TMPRSS11D: variants seen among roughly 807,000 people sequenced by gnomAD.
TMPRSS11D encodes the protein transmembrane serine protease 11D, also known as transmembrane protease serine 11D.
Under a neutral mutation model 44.4 loss-of-function variants are expected in TMPRSS11D, and 32 were observed. That is an observed-to-expected ratio of 0.72 (90% confidence interval 0.54 to 0.97). TMPRSS11D has a LOEUF of 0.97. Ranked by LOEUF, TMPRSS11D falls within the 50% of genes least tolerant of loss-of-function variation. The pLI, the probability that TMPRSS11D is intolerant of heterozygous loss-of-function variation, is 0.00. For missense variants in TMPRSS11D, 446 were observed against 502.6 expected (o/e 0.89, Z 1.08); for synonymous variants, 179 against 177.9 (o/e 1.01, Z -0.05).
chr4:67,822,827 T>G (rs1717682646), intron 9 of TMPRSS11D, among the ~76,000 whole-genome samples: 1 of 152,182 alleles, frequency 6.6e-6, no homozygotes, highest in Admixed American at 6.6e-5. Context: ...TCTCACCCTT[T>G]CCAGCTTTGG....
chr4:67,824,617 C>G (rs1185517072), intron 9 of TMPRSS11D, among the ~76,000 whole-genome samples: 1 of 152,120 alleles, frequency 6.6e-6, no homozygotes, highest in Non-Finnish European at 1.5e-5. Flanking sequence ...ACACAACTTG[C>G]AGTTGATAAA....
intron 5 of TMPRSS11D, among the ~76,000 whole-genome samples, chr4:67,836,039 T>C (rs1016636059): frequency 6.6e-6 from 1 of 152,150 alleles, no homozygotes; most frequent in African/African-American, 2.4e-5. Flanking sequence ...TTGCTACTTA[T>C]TATATCCTTT....
chr4:67,852,678 A>G (rs1158867030), intron 3 of TMPRSS11D, among the ~76,000 whole-genome samples: 1 of 152,238 alleles, frequency 6.6e-6, no homozygotes, highest in Non-Finnish European at 1.5e-5. Context: ...CAGAATGAAC[A>G]GTTGAATCAG....
intron 1 of TMPRSS11D, among the ~76,000 whole-genome samples, chr4:67,869,728 A>T (rs1719010962): frequency 6.6e-6 from 1 of 152,236 alleles, no homozygotes; most frequent in South Asian, 2.1e-4. Context: ...ATAATTACTC[A>T]TGCTGGCTGC....
rs1233977165 is a variant in TMPRSS11D, at chr4:67,859,824, GAACTT to G, written c.9-151_9-147del. On this transcript the variant is annotated intron_variant, in intron 1 of 9. Coordinates refer to ENST00000283916, the MANE Select transcript of TMPRSS11D (RefSeq NM_004262.3). ...GAAACATATTCGTAGATATGAAACT[GAACTT>G]AACAAGGCTGTCCGTAGTGGTTTTT... 3 of 1,135,052 alleles carry G rather than the reference GAACTT, an allele frequency of 2.6e-6. No homozygotes were observed. The African/African-American group carries it at 4.7e-5, about 18-fold the overall frequency. 70.3% of individuals were successfully genotyped at this position (1,135,052 alleles called of 1,614,324 possible). A position where few individuals can be genotyped will look rare whatever the true frequency, so the allele number is the denominator to read the frequency against.
At chr4:67,858,280 C>T (rs1718705335) in intron 2 of TMPRSS11D, among the ~76,000 whole-genome samples, 2 of 152,062 alleles carry the variant, frequency 1.3e-5, no homozygotes, top group South Asian at 4.2e-4. Flanking sequence ...ATTTGGGGGC[C>T]ATAAGTGATC....
intron 1 of TMPRSS11D, among the ~76,000 whole-genome samples, chr4:67,872,313 T>C (rs1306423073): frequency 6.6e-6 from 1 of 152,148 alleles, no homozygotes; most frequent in African/African-American, 2.4e-5. Flanking sequence ...TTTTCTTTCC[T>C]TTTTCCCCCT....
chr4:67,875,213 G>A (rs184106455), intron 1 of TMPRSS11D, among the ~76,000 whole-genome samples: 8 of 152,292 alleles, frequency 5.3e-5, no homozygotes, highest in East Asian at 1.9e-4. Flanking sequence ...CAGAGCTTAC[G>A]AAAGATGTTG....
At chr4:67,868,406 T>G (rs983274841) in intron 1 of TMPRSS11D, among the ~76,000 whole-genome samples, 44 of 152,164 alleles carry the variant, frequency 2.9e-4, no homozygotes, top group Non-Finnish European at 1.2e-4. Flanking sequence ...AATACCTCCA[T>G]GTAACAAAAC....
intron 8 of TMPRSS11D, 80 bp downstream of exon 8, chr4:67,827,181 G>A: frequency 6.6e-7 from 1 of 1,508,394 alleles, no homozygotes; most frequent in Non-Finnish European, 8.9e-7. Flanking sequence ...ACCTATTCCA[G>A]ATGTTTCCTA....
chr4:67,822,141 T>G lies in TMPRSS11D; in HGVS notation c.*196A>C. ...ACACAGCCACAGTACTATGCAACAT[T>G]CATATAGTTCTCTGGAGAAAATAGA... is the stretch of plus-strand genomic sequence containing the variant. On this transcript the variant is annotated 3_prime_UTR_variant, in exon 10 of 10. Transcript: ENST00000283916. 1 of 603,006 alleles carries G rather than the reference T, an allele frequency of 1.7e-6. No homozygotes were observed. Among genetic ancestry groups the G allele is most frequent in the East Asian group, 2.8e-5 (1 of 35,660 alleles). 37.4% of individuals were successfully genotyped at this position (603,006 alleles called of 1,614,324 possible).
intron 7 of TMPRSS11D, among the ~76,000 whole-genome samples, chr4:67,832,395 T>C (rs1000843266): frequency 6.6e-6 from 1 of 152,160 alleles, no homozygotes; most frequent in Non-Finnish European, 1.5e-5. Flanking sequence ...ATTTTAGTTA[T>C]GCTGAAATCT....
intron 2 of TMPRSS11D, among the ~76,000 whole-genome samples, chr4:67,858,143 T>C (rs1718700510): frequency 6.6e-6 from 1 of 152,190 alleles, no homozygotes; most frequent in Non-Finnish European, 1.5e-5. Flanking sequence ...GGAATCTGTC[T>C]AGAATAAAAA....
At chr4:67,864,430 C>T (rs924979923) in intron 1 of TMPRSS11D, among the ~76,000 whole-genome samples, 27 of 151,912 alleles carry the variant, frequency 1.8e-4, no homozygotes, top group Admixed American at 5.3e-4. Context: ...GATCGATACT[C>T]ACCTATCATA....
chr4:67,844,733 C>T (rs1905985), intron 3 of TMPRSS11D, among the ~76,000 whole-genome samples: 107,800 of 151,852 alleles, frequency 0.71, 40,748 homozygotes, highest in Middle Eastern at 0.84. Flanking sequence ...GAGTCAAGAT[C>T]GCGCCAGTAC....
intron 2 of TMPRSS11D, among the ~76,000 whole-genome samples, 188 bp downstream of exon 2, chr4:67,859,369 A>C (rs937453269): frequency 2.6e-5 from 4 of 152,088 alleles, no homozygotes; most frequent in African/African-American, 9.7e-5. Flanking sequence ...CAAAATAGGA[A>C]AGAGAAAAAA....
chr4:67,878,954 A>T lies in TMPRSS11D; in HGVS notation c.8+4972T>A, dbSNP rs373221700. The stretch of plus-strand genomic sequence containing the variant: ...AAACATATATGGAGTAATTATATAT[A>T]TCATAAAAGATGTATAAGTAGAAAT... On this transcript the variant is annotated intron_variant, in intron 1 of 9. Coordinates refer to ENST00000283916, the MANE Select transcript of TMPRSS11D (RefSeq NM_004262.3). 5.3e-5 allele frequency among the ~76,000 whole-genome samples: 8 copies of T among 152,286 alleles called. No individual in the cohort carries two copies. The East Asian group carries it at 1.5e-3, about 29-fold the overall frequency.
At chr4:67,840,106 ATTAAAT>A (rs1434058917) in intron 4 of TMPRSS11D, among the ~76,000 whole-genome samples, 14 of 152,074 alleles carry the variant, frequency 9.2e-5, no homozygotes, top group African/African-American at 3.4e-4. Flanking sequence ...CCCAAGTGAG[ATTAAAT>A]TTAAGCATAC....
In TMPRSS11D at chr4:67,864,605, C is replaced by A. The variant is rs116558221; in HGVS notation, c.9-4927G>T. Among the ~76,000 whole-genome samples the A allele has an allele frequency of 3.3e-3, 501 of 151,948 alleles. 2 individuals are homozygous for A. The highest frequency in any genetic ancestry group is 0.011 in the African/African-American group (469 of 41,512). Reference sequence around the variant, plus strand: ...AAAATGGCTGCATGACAGAACTCCTCCAACTATATGCTGCTTATAAAAAAC... The same window carrying A: ...AAAATGGCTGCATGACAGAACTCCTACAACTATATGCTGCTTATAAAAAAC... On this transcript the variant is annotated intron_variant, in intron 1 of 9. Transcript: ENST00000283916.
Sources: allele counts gnomAD v4.1 joint callset (sites outside exome capture counted in the v4.1 genomes callset), GRCh38; gene constraint gnomAD v4.1.1; transcripts MANE v1.5; gene names NCBI Gene and HGNC (gene_info 2026-07-23, HGNC 2026-07-21).